Variants in IMMP2L observed in about 807,000 individuals in gnomAD.
IMMP2L encodes inner mitochondrial membrane peptidase subunit 2.
Under a neutral mutation model 19.3 loss-of-function variants are expected in IMMP2L, and 18 were observed. The observed-to-expected ratio is 0.93, with a 90% CI of 0.64 to 1.38. The LOEUF is 1.38. Among genes scored for constraint, IMMP2L ranks in the 40% most tolerant of loss-of-function variants. The pLI, the probability that IMMP2L is intolerant of heterozygous loss-of-function variation, is 0.00. For missense variants in IMMP2L, 233 were observed against 218.2 expected, an observed-to-expected ratio of 1.07 and a Z score of -0.43; for synonymous variants, 76 against 73.0, an observed-to-expected ratio of 1.04 and a Z score of -0.21.
chr7:111,253,594 A>G (rs545446755), intron 3 of IMMP2L, among the ~76,000 whole-genome samples: 1 of 152,254 alleles, frequency 6.6e-6, no homozygotes, highest in South Asian at 2.1e-4. Context: ...AAGTAACACC[A>G]ATGGTCTGAG....
chr7:110,751,865 T>C (rs868824), intron 5 of IMMP2L, among the ~76,000 whole-genome samples: 50,211 of 151,914 alleles, frequency 0.33, 10,204 homozygotes, highest in East Asian at 0.69. Flanking sequence ...ACATGGATTA[T>C]GACCTTATAT....
chr7:110,928,862 T>C (rs912736211), intron 4 of IMMP2L, among the ~76,000 whole-genome samples: 3 of 152,116 alleles, frequency 2.0e-5, no homozygotes, highest in South Asian at 4.1e-4. Context: ...TGAGCAGAGG[T>C]AGCCACTACA....
At chr7:110,874,877 T>C (rs560046660) in intron 5 of IMMP2L, among the ~76,000 whole-genome samples, 1 of 152,040 alleles carries the variant, frequency 6.6e-6, no homozygotes, top group Non-Finnish European at 1.5e-5. Flanking sequence ...GATTTCAAGA[T>C]GGCACCTTGA....
Position 111,093,871 on chromosome 7 carries a change from T to A in IMMP2L, c.240-130306A>T, listed in dbSNP as rs143362190. 3.3e-4 allele frequency among the ~76,000 whole-genome samples: 50 copies of A among 152,204 alleles called. 1 individual carries two copies. In the East Asian group the frequency reaches 9.3e-3, roughly 28 times the overall value. On this transcript the variant is annotated intron_variant, in intron 3 of 5. Coordinates refer to ENST00000405709, the MANE Select transcript of IMMP2L (RefSeq NM_032549.4). The stretch of plus-strand genomic sequence containing the variant: ...CTGGCAAGACAATTCAAAGGACCAT[T>A]TTTTTCAGGGTGTCGCTTGTCACAG...
chr7:111,413,725 T>G (rs1182728453), intron 3 of IMMP2L, among the ~76,000 whole-genome samples: 1 of 84,096 alleles, frequency 1.2e-5, no homozygotes, highest in Non-Finnish European at 2.5e-5. Flanking sequence ...ACCTCTTGCC[T>G]GTCAGCTCCA....
chr7:111,088,072 T>A (rs539377813), intron 3 of IMMP2L, among the ~76,000 whole-genome samples: 1 of 152,258 alleles, frequency 6.6e-6, no homozygotes, highest in South Asian at 2.1e-4. Context: ...ACCCAGACAT[T>A]GTGGCTCTAA....
At chr7:110,749,719 G>A (rs181504800) in intron 5 of IMMP2L, among the ~76,000 whole-genome samples, 1 of 152,162 alleles carries the variant, frequency 6.6e-6, no homozygotes, top group Admixed American at 6.5e-5. Flanking sequence ...ACACAGGGAT[G>A]GGAACATCAC....
chr7:111,472,370 T>C (rs887145652), intron 3 of IMMP2L, among the ~76,000 whole-genome samples: 3 of 152,182 alleles, frequency 2.0e-5, no homozygotes, highest in Non-Finnish European at 2.9e-5. Context: ...TAAGGCATCA[T>C]GTTGCTCATT....
intron 1 of IMMP2L, among the ~76,000 whole-genome samples, chr7:111,556,451 C>T (rs1009123688): frequency 7.9e-5 from 12 of 151,844 alleles, no homozygotes; most frequent in African/African-American, 2.7e-4. Context: ...AAGTAAATAC[C>T]CTGACTGAAG....
At chr7:110,919,585 T>C (rs1814019489) in intron 4 of IMMP2L, among the ~76,000 whole-genome samples, 1 of 152,206 alleles carries the variant, frequency 6.6e-6, no homozygotes, top group African/African-American at 2.4e-5. Context: ...GTTTGTTCCT[T>C]GTTTGCATAC....
At chr7:111,264,992 A>C (rs1284834940) in intron 3 of IMMP2L, among the ~76,000 whole-genome samples, 1 of 152,152 alleles carries the variant, frequency 6.6e-6, no homozygotes, top group Non-Finnish European at 1.5e-5. Context: ...AATAAGCAAG[A>C]GTTAACTGTT....
intron 3 of IMMP2L, among the ~76,000 whole-genome samples, chr7:111,249,964 T>C (rs1815894295): frequency 6.6e-6 from 1 of 152,180 alleles, no homozygotes; most frequent in South Asian, 2.1e-4. Flanking sequence ...AGAAGTCAAA[T>C]TATCTTTGTT....
intron 5 of IMMP2L, among the ~76,000 whole-genome samples, chr7:110,774,695 G>A (rs1433328964): frequency 6.6e-6 from 1 of 152,034 alleles, no homozygotes; most frequent in Non-Finnish European, 1.5e-5. Flanking sequence ...ATTTAGAACA[G>A]TAACATGCTA....
chr7:110,985,562 G>A, intron 3 of IMMP2L, among the ~76,000 whole-genome samples: 1 of 152,106 alleles, frequency 6.6e-6, no homozygotes, highest in East Asian at 1.9e-4. Flanking sequence ...ATATTACCAT[G>A]ACAATATAAA....
intron 3 of IMMP2L, among the ~76,000 whole-genome samples, chr7:111,202,734 A>G (rs780644109): frequency 6.6e-6 from 1 of 152,220 alleles, no homozygotes; most frequent in Non-Finnish European, 1.5e-5. Flanking sequence ...AGAAATAATA[A>G]GCAACTTTAC....
chr7:111,014,673 T>G (rs1825323956), intron 3 of IMMP2L, among the ~76,000 whole-genome samples: 1 of 152,012 alleles, frequency 6.6e-6, no homozygotes. Context: ...AATCATATAT[T>G]TGATGAGGGG....
chr7:111,382,146 C>T (rs79804800), intron 3 of IMMP2L, among the ~76,000 whole-genome samples: 6,533 of 151,790 alleles, frequency 0.043, 533 homozygotes, highest in African/African-American at 0.15. Flanking sequence ...CAAGACAGAA[C>T]AGTGACACAA....
rs886907259 is a variant in IMMP2L, at chr7:111,478,758, A to C, written c.239+8480T>G. Among the ~76,000 whole-genome samples the C allele has an allele frequency of 2.0e-5, 3 of 152,134 alleles. 1 individual carries two copies. The highest frequency in any genetic ancestry group is 2.9e-5 in the Non-Finnish European group (2 of 68,012). ...GTTATTTAATAGTCCATGTCTAATC[A>C]TTCCAATATCTAGATTACTGTGAGA... On this transcript the variant is annotated intron_variant, in intron 3 of 5. Coordinates refer to ENST00000405709, the MANE Select transcript of IMMP2L (RefSeq NM_032549.4).
chr7:111,090,262 A>G (rs1023595097), intron 3 of IMMP2L, among the ~76,000 whole-genome samples: 3 of 152,204 alleles, frequency 2.0e-5, no homozygotes, highest in African/African-American at 7.2e-5. Context: ...TATGGCTTAT[A>G]TAGTATATTT....
Sources: allele counts gnomAD v4.1 joint callset (sites outside exome capture counted in the v4.1 genomes callset), GRCh38; gene constraint gnomAD v4.1.1; transcripts MANE v1.5; gene names NCBI Gene and HGNC (gene_info 2026-07-23, HGNC 2026-07-21).